RBFOX1: variants seen among roughly 807,000 people sequenced by gnomAD.
RBFOX1 encodes the protein RNA binding protein fox-1 homolog 1.
RBFOX1 carries 8 observed loss-of-function variants against 57.7 expected under a neutral mutation model. The ratio of observed to expected loss-of-function variants is 0.14; its 90% CI spans 0.08 to 0.25. The LOEUF is 0.25. RBFOX1 is among the 10% of genes least tolerant of loss of function. The pLI is 1.00. For synonymous variants in RBFOX1, 326 were observed against 222.4 expected (o/e 1.47, Z -4.15); for missense variants, 611 against 548.5 (o/e 1.11, Z -1.14).
chr16:6,834,882 G>C (rs961927831), intron 3 of RBFOX1, among the ~76,000 whole-genome samples: 6 of 139,562 alleles, frequency 4.3e-5, no homozygotes, highest in African/African-American at 1.6e-4. Flanking sequence ...TCAAAGGCCT[G>C]ACTTCTCTAT....
intron 1 of RBFOX1, among the ~76,000 whole-genome samples, chr16:5,427,980 C>G (rs2067614044): frequency 6.6e-6 from 1 of 152,196 alleles, no homozygotes; most frequent in African/African-American, 2.4e-5. Context: ...GAAGCTGCTG[C>G]CATCCACACT....
At chr16:6,213,803 C>T (rs1248695644) in intron 1 of RBFOX1, among the ~76,000 whole-genome samples, 1 of 152,202 alleles carries the variant, frequency 6.6e-6, no homozygotes, top group Non-Finnish European at 1.5e-5. Flanking sequence ...CACTCTAAGC[C>T]AGGGTTCTCA....
intron 2 of RBFOX1, among the ~76,000 whole-genome samples, chr16:6,417,408 T>A (rs930769677): frequency 7.0e-6 from 1 of 143,048 alleles, no homozygotes; most frequent in African/African-American, 2.5e-5. Context: ...TATAAATGTG[T>A]TTACTTTTTT....
chr16:7,684,692 T>G (rs1299367181), intron 14 of RBFOX1, among the ~76,000 whole-genome samples: 2 of 152,056 alleles, frequency 1.3e-5, no homozygotes, highest in Non-Finnish European at 2.9e-5. Context: ...TGGTTTCAAT[T>G]TTGTAATTTA....
intron 3 of RBFOX1, among the ~76,000 whole-genome samples, chr16:5,668,458 A>C (rs917097456): frequency 5.9e-5 from 9 of 152,190 alleles, no homozygotes; most frequent in Non-Finnish European, 1.5e-5. Context: ...TGGTAGCCAA[A>C]ATCATCAGAG....
intron 4 of RBFOX1, among the ~76,000 whole-genome samples, chr16:7,323,889 C>A (rs1023720477): frequency 3.9e-5 from 6 of 151,904 alleles, no homozygotes; most frequent in Non-Finnish European, 2.9e-5. Context: ...CAATAGATAG[C>A]AAAATGAATG....
At chr16:5,830,970 C>T (rs1020868871) in intron 3 of RBFOX1, among the ~76,000 whole-genome samples, 6 of 152,216 alleles carry the variant, frequency 3.9e-5, no homozygotes, top group Non-Finnish European at 7.4e-5. Flanking sequence ...TTTCCTATCC[C>T]CCCCCAACTC....
chr16:6,528,974 C>T (rs1479805771), intron 2 of RBFOX1, among the ~76,000 whole-genome samples: 1 of 152,174 alleles, frequency 6.6e-6, no homozygotes, highest in Non-Finnish European at 1.5e-5. Context: ...ATTTCTATTT[C>T]TCTACATGAA....
chr16:6,431,270 C>T (rs973073586), intron 2 of RBFOX1, among the ~76,000 whole-genome samples: 4 of 151,958 alleles, frequency 2.6e-5, no homozygotes, highest in South Asian at 2.1e-4. Flanking sequence ...ATAGAGGATC[C>T]TATGGCTGTG....
intron 3 of RBFOX1, among the ~76,000 whole-genome samples, chr16:7,029,091 C>T (rs762611714): frequency 0.24 from 5,909 of 24,510 alleles, 929 homozygotes; most frequent in South Asian, 0.31. Context: ...TACACACACA[C>T]ACACACACAC....
intron 2 of RBFOX1, among the ~76,000 whole-genome samples, chr16:6,358,356 C>T (rs991045991): frequency 2.0e-5 from 3 of 152,118 alleles, no homozygotes; most frequent in African/African-American, 7.2e-5. Flanking sequence ...CACATTTTAC[C>T]TTCTCTTCAT....
At chr16:7,268,270 A>C (rs556016670) in intron 4 of RBFOX1, among the ~76,000 whole-genome samples, 1 of 152,152 alleles carries the variant, frequency 6.6e-6, no homozygotes, top group Admixed American at 6.5e-5. Context: ...CTGTGTTTGC[A>C]TTTTCAAAAT....
At chr16:6,487,259 C>T (rs760284915) in intron 2 of RBFOX1, among the ~76,000 whole-genome samples, 3 of 151,510 alleles carry the variant, frequency 2.0e-5, no homozygotes, top group African/African-American at 7.3e-5. Context: ...TGAATTCAAG[C>T]AATTAAAAAT....
intron 3 of RBFOX1, among the ~76,000 whole-genome samples, chr16:5,835,795 C>T (rs1011022274): frequency 1.3e-5 from 2 of 152,216 alleles, no homozygotes; most frequent in East Asian, 3.9e-4. Context: ...TCATCTTCTT[C>T]TTTAGTCTTT....
chr16:6,228,993 A>G (rs549353964), intron 1 of RBFOX1, among the ~76,000 whole-genome samples: 4 of 152,314 alleles, frequency 2.6e-5, no homozygotes, highest in Admixed American at 2.0e-4. Context: ...TTTATATTAA[A>G]TGATGCACAA....
At chr16:5,738,561 GAGGTGA>G (rs1318179079) in intron 3 of RBFOX1, among the ~76,000 whole-genome samples, 2 of 150,262 alleles carry the variant, frequency 1.3e-5, no homozygotes, top group Admixed American at 1.3e-4. Context: ...TTGAATCTGG[GAGGTGA>G]AGGTTGCCAT....
At chr16:7,253,028 G>C (rs1476834263) in intron 4 of RBFOX1, among the ~76,000 whole-genome samples, 2 of 152,188 alleles carry the variant, frequency 1.3e-5, no homozygotes, top group African/African-American at 4.8e-5. Context: ...CTGGGTAAAT[G>C]AGTGTTCTGC....
In RBFOX1 at chr16:6,450,854, T is replaced by TAC. The variant is rs1567304131; in HGVS notation, c.-64+133798_-64+133799insCA. Among the ~76,000 whole-genome samples, 104 of 65,246 alleles carry TAC rather than the reference T, an allele frequency of 1.6e-3. 17 individuals are homozygous for TAC. Among genetic ancestry groups the TAC allele is most frequent in the African/African-American group, 5.1e-3 (98 of 19,336 alleles). 42.8% of individuals were successfully genotyped at this position (65,246 alleles called of 152,430 possible). A position where few individuals can be genotyped will look rare whatever the true frequency, so the allele number is the denominator to read the frequency against. On this transcript the variant is annotated intron_variant, in intron 2 of 15. Transcript: ENST00000550418. ...ATATATATGTGTATATATATATATATATATATATATATATATATATCTCCT... is the reference window on the plus strand; with the variant it reads ...ATATATATGTGTATATATATATATATACATATATATATATATATATATCTCCT...
chr16:6,622,946 C>A (rs555021497), intron 2 of RBFOX1, among the ~76,000 whole-genome samples: 2 of 152,280 alleles, frequency 1.3e-5, no homozygotes, highest in Admixed American at 6.5e-5. Flanking sequence ...CTCTCAGGGT[C>A]TTCTTACTTT....
Sources: allele counts gnomAD v4.1 joint callset (sites outside exome capture counted in the v4.1 genomes callset), GRCh38; gene constraint gnomAD v4.1.1; transcripts MANE v1.5; gene names NCBI Gene and HGNC (gene_info 2026-07-23, HGNC 2026-07-21).